UBXN7: variants seen among roughly 807,000 people sequenced by gnomAD.
UBXN7 encodes UBX domain-containing protein 7.
In UBXN7, 9 loss-of-function variants were observed where a neutral mutation model predicts 58.0. The ratio of observed to expected loss-of-function variants is 0.16; its 90% CI spans 0.09 to 0.27. The LOEUF (loss-of-function observed/expected upper bound fraction) is 0.27, where lower values mean the gene tolerates loss of function less well. UBXN7 is among the 10% of genes least tolerant of loss of function. The pLI is 1.00. For missense variants in UBXN7, 328 were observed against 599.6 expected (o/e 0.55, Z 4.73); for synonymous variants, 208 against 205.0 (o/e 1.01, Z -0.12).
intron 5 of UBXN7, among the ~76,000 whole-genome samples, chr3:196,383,157 A>C (rs1311092742): frequency 3.2e-4 from 48 of 152,096 alleles, no homozygotes; most frequent in Non-Finnish European, 2.9e-5. Context: ...AGGGGTTGCA[A>C]TCCTAGTCTC....
intron 1 of UBXN7, among the ~76,000 whole-genome samples, chr3:196,417,140 C>T (rs909259969): frequency 1.4e-4 from 22 of 152,168 alleles, no homozygotes; most frequent in Admixed American, 2.6e-4. Context: ...GGTGAAACCC[C>T]GTCTCTACTA....
At chr3:196,385,028 T>C (rs1210150235) in intron 5 of UBXN7, among the ~76,000 whole-genome samples, 1 of 152,142 alleles carries the variant, frequency 6.6e-6, no homozygotes, top group Non-Finnish European at 1.5e-5. Context: ...CCTCTCCCCT[T>C]TGCACGGTCT....
At position 196,353,244 on chromosome 3, in the gene UBXN7, G is replaced by A. The variant is rs1728257838; in HGVS notation, c.*3441C>T. ...CTGATTTGCCACTCACTAGCTATGA[G>A]TCCTGAATAAGTTCTCTATACCTGT... On this transcript the variant is annotated 3_prime_UTR_variant, in exon 11 of 11. Coordinates refer to ENST00000296328, the MANE Select transcript of UBXN7 (RefSeq NM_015562.2). The A allele has an allele frequency of 6.6e-6, 1 of 152,202 alleles. No homozygotes were observed. Among genetic ancestry groups the A allele is most frequent in the Non-Finnish European group, 1.5e-5 (1 of 68,030 alleles). The allele number at this position is 152,202 out of a possible 1,614,324, so 9.4% of individuals were successfully genotyped here.
chr3:196,373,217 TTTCTC>T (rs1313492201), intron 5 of UBXN7, among the ~76,000 whole-genome samples: 3 of 152,230 alleles, frequency 2.0e-5, no homozygotes, highest in Non-Finnish European at 2.9e-5. Flanking sequence ...CTGAGAGTTT[TTTCTC>T]TTAAGAGTTG....
intron 1 of UBXN7, among the ~76,000 whole-genome samples, chr3:196,419,321 T>C (rs7618867): frequency 0.37 from 55,261 of 150,236 alleles, 11,190 homozygotes; most frequent in East Asian, 0.85. Context: ...AATAAATAAA[T>C]AAACAATGTG....
At chr3:196,416,221 C>T (rs11185537) in intron 1 of UBXN7, 79,167 of 152,008 alleles carry the variant, frequency 0.52, 21,032 homozygotes, top group East Asian at 0.87. Context: ...GGGCGGATCA[C>T]CTGAGGCCAG....
intron 1 of UBXN7, chr3:196,431,732 C>T (rs2108631078): frequency 2.2e-6 from 1 of 449,292 alleles, no homozygotes; most frequent in African/African-American, 2.0e-5. Flanking sequence ...TCAGCACCCC[C>T]CGCTTCTGGC....
intron 10 of UBXN7, among the ~76,000 whole-genome samples, chr3:196,360,209 T>G (rs894104302): frequency 6.6e-6 from 1 of 152,224 alleles, no homozygotes; most frequent in African/African-American, 2.4e-5. Flanking sequence ...CAGAAACTTA[T>G]CTAGAAGATG....
intron 5 of UBXN7, among the ~76,000 whole-genome samples, chr3:196,380,784 G>A (rs1261236326): frequency 3.3e-5 from 5 of 152,222 alleles, no homozygotes; most frequent in African/African-American, 4.8e-5. Flanking sequence ...CCCAAATACC[G>A]CATTTTTCCC....
chr3:196,401,261 AAAAAAAAAAAAAAATATAT>A (rs1335444431), intron 3 of UBXN7, among the ~76,000 whole-genome samples: 3 of 85,542 alleles, frequency 3.5e-5, no homozygotes, highest in Non-Finnish European at 6.5e-5. Context: ...AAAAAAAAAA[AAAAAAAAAAAAAAATATAT>A]ATATATATAT....
intron 1 of UBXN7, among the ~76,000 whole-genome samples, chr3:196,429,851 T>C (rs1332238098): frequency 6.6e-6 from 1 of 152,196 alleles, no homozygotes; most frequent in Non-Finnish European, 1.5e-5. Context: ...CACTGTCTAC[T>C]GATTGAGGGA....
intron 1 of UBXN7, among the ~76,000 whole-genome samples, chr3:196,427,037 C>T (rs922696134): frequency 3.3e-5 from 5 of 152,120 alleles, no homozygotes; most frequent in Non-Finnish European, 5.9e-5. Flanking sequence ...TATGAATTTC[C>T]GTACCAGTAA....
chr3:196,360,486 T>C (rs1052882233), intron 10 of UBXN7, among the ~76,000 whole-genome samples: 1 of 152,184 alleles, frequency 6.6e-6, no homozygotes, highest in Non-Finnish European at 1.5e-5. Context: ...GTTCTGTAAC[T>C]GCAACAACAA....
In UBXN7 at chr3:196,349,053, C is replaced by G. The variant is rs1006851757; in HGVS notation, c.*7632G>C. Reference sequence around the variant, plus strand: ...AAGATTATCAGAGGAGTGAAGAAAACCGTGTCTAACAGATTCATGCCAAAG... The same window carrying G: ...AAGATTATCAGAGGAGTGAAGAAAAGCGTGTCTAACAGATTCATGCCAAAG... On this transcript the variant is annotated 3_prime_UTR_variant, in exon 11 of 11. Coordinates refer to ENST00000296328, the MANE Select transcript of UBXN7 (RefSeq NM_015562.2). The G allele has an allele frequency of 1.3e-5, 2 of 152,122 alleles. No homozygotes were observed. The highest frequency in any genetic ancestry group is 4.8e-5 in the African/African-American group (2 of 41,418). 9.4% of individuals were successfully genotyped at this position (152,122 alleles called of 1,614,324 possible).
intron 1 of UBXN7, among the ~76,000 whole-genome samples, chr3:196,428,297 C>T (rs188675340): frequency 2.6e-4 from 39 of 151,528 alleles, no homozygotes; most frequent in Admixed American, 2.4e-3. Context: ...ATTTCAGAAC[C>T]GTGTATTTTA....
intron 5 of UBXN7, among the ~76,000 whole-genome samples, chr3:196,374,265 A>G (rs1728925571): frequency 6.9e-6 from 1 of 145,626 alleles, no homozygotes; most frequent in South Asian, 2.2e-4. Flanking sequence ...TTAAAATGGA[A>G]GAGTCACTTT....
chr3:196,412,651 T>C (rs1037779979), intron 1 of UBXN7, among the ~76,000 whole-genome samples: 11 of 152,118 alleles, frequency 7.2e-5, no homozygotes, highest in Non-Finnish European at 2.9e-5. Flanking sequence ...TTATTCACAG[T>C]AGGTAAAACA....
intron 1 of UBXN7, among the ~76,000 whole-genome samples, chr3:196,421,510 G>A (rs577055893): frequency 4.6e-5 from 7 of 152,300 alleles, no homozygotes; most frequent in African/African-American, 1.4e-4. Context: ...GGTGGCTCAT[G>A]CCCATAATCC....
intron 8 of UBXN7, among the ~76,000 whole-genome samples, chr3:196,363,135 G>A (rs1236527303): frequency 2.0e-5 from 3 of 151,520 alleles, no homozygotes; most frequent in East Asian, 1.9e-4. Flanking sequence ...TGGCCAGGCT[G>A]GTCTCAAACT....
Sources: gnomAD v4.1 joint callset for allele counts (sites outside exome capture counted in the v4.1 genomes callset) on GRCh38, gnomAD v4.1.1 for gene constraint, MANE v1.5 for transcripts, NCBI Gene and HGNC (gene_info 2026-07-23, HGNC 2026-07-21) for gene names.